The following CHD9 variants were observed in gnomAD, a reference collection of about 807,000 sequenced individuals.
CHD9 encodes ATP-dependent chromatin remodeler CHD9.
Under a neutral mutation model 316.1 loss-of-function variants are expected in CHD9, and 77 were observed. The observed-to-expected ratio is 0.24, with a 90% confidence interval of 0.20 to 0.29. The LOEUF is 0.29. Ranked by LOEUF, CHD9 falls within the 10% of genes least tolerant of loss-of-function variation. CHD9 has a pLI of 1.00. For missense variants in CHD9, 2,763 were observed against 3,438.1 expected, an observed-to-expected ratio of 0.80 and a Z score of 4.91; for synonymous variants, 1,129 against 1,158.3, an observed-to-expected ratio of 0.97 and a Z score of 0.51.
At chr16:53,091,195 G>A (rs938785254) in intron 1 of CHD9, among the ~76,000 whole-genome samples, 1 of 152,236 alleles carries the variant, frequency 6.6e-6, no homozygotes, top group Non-Finnish European at 1.5e-5. Flanking sequence ...AGCCTGGGAA[G>A]GGAAAGGCCT....
intron 30 of CHD9, among the ~76,000 whole-genome samples, chr16:53,303,160 A>G (rs2055604925): frequency 6.6e-6 from 1 of 151,668 alleles, no homozygotes; most frequent in African/African-American, 2.4e-5. Context: ...ACAAATTCGT[A>G]AACTTTCTTA....
At chr16:53,056,438 T>G (rs2032127148) in intron 1 of CHD9, among the ~76,000 whole-genome samples, 1 of 152,234 alleles carries the variant, frequency 6.6e-6, no homozygotes, top group East Asian at 1.9e-4. Context: ...TGACCATAAC[T>G]TCCACGGTAG....
chr16:53,305,805 C>T (rs566480465), intron 31 of CHD9, among the ~76,000 whole-genome samples: 2 of 152,128 alleles, frequency 1.3e-5, no homozygotes, highest in South Asian at 4.2e-4. Context: ...TCGGGGTTGC[C>T]GCAAGAAACA....
Position 53,325,941 on chromosome 16 carries a change from T to C in CHD9, c.*1046T>C, listed in dbSNP as rs1261581881. 4 of 152,582 alleles carry C rather than the reference T, an allele frequency of 2.6e-5. No individual in the cohort carries two copies. The East Asian group carries it at 5.8e-4, about 22-fold the overall frequency. The allele number at this position is 152,582 out of a possible 1,614,324, so 9.5% of individuals were successfully genotyped here. On this transcript the variant is annotated 3_prime_UTR_variant, in exon 39 of 39. Coordinates refer to ENST00000447540, the MANE Select transcript of CHD9 (RefSeq NM_001308319.2). ...AATATGCAGATAGTCTAAATTCATT[T>C]TGAGTTTCTAGGTGTAAGCAGACTA...
chr16:53,077,151 C>T (rs997113511), intron 1 of CHD9, among the ~76,000 whole-genome samples: 1 of 151,904 alleles, frequency 6.6e-6, no homozygotes, highest in Non-Finnish European at 1.5e-5. Flanking sequence ...CCACGCCTAA[C>T]TAATTTTTGT....
At chr16:53,183,020 C>T (rs879832099) in intron 2 of CHD9, among the ~76,000 whole-genome samples, 4 of 152,100 alleles carry the variant, frequency 2.6e-5, no homozygotes, top group African/African-American at 7.2e-5. Flanking sequence ...CAATCAACAA[C>T]GATTCACCTT....
intron 16 of CHD9, chr16:53,247,763 A>G: frequency 3.0e-6 from 1 of 329,908 alleles, no homozygotes; most frequent in Non-Finnish European, 5.5e-6. Flanking sequence ...AATGGGTTTA[A>G]AAATGTACAT....
chr16:53,265,463 A>G (rs12598372), intron 20 of CHD9, among the ~76,000 whole-genome samples: 42,188 of 151,988 alleles, frequency 0.28, 5,949 homozygotes, highest in Middle Eastern at 0.32. Flanking sequence ...TTTAAAAAGT[A>G]TGGTACTGAC....
chr16:53,168,655 C>T (rs1398439845), intron 2 of CHD9: 1 of 152,116 alleles, frequency 6.6e-6, no homozygotes, highest in African/African-American at 2.4e-5. Context: ...GCAAAACTTT[C>T]AGTGGCAAAA....
chr16:53,278,964 A>T (rs1401386937), intron 24 of CHD9, among the ~76,000 whole-genome samples: 4 of 152,226 alleles, frequency 2.6e-5, no homozygotes, highest in Non-Finnish European at 5.9e-5. Context: ...TTCCTCAAGG[A>T]TCTAGAACTA....
chr16:53,074,343 C>A (rs1341176488), intron 1 of CHD9, among the ~76,000 whole-genome samples: 2 of 152,134 alleles, frequency 1.3e-5, no homozygotes, highest in African/African-American at 4.8e-5. Context: ...TGCAGCCTGA[C>A]AATGCAATAG....
rs530608324 is a variant in CHD9, at chr16:53,100,115, C to T, written c.-165+45038C>T. Among the ~76,000 whole-genome samples, 8 of 152,294 alleles carry T rather than the reference C, an allele frequency of 5.3e-5. No individual in the cohort carries two copies. In the East Asian group the frequency reaches 1.4e-3, roughly 26 times the overall value. On this transcript the variant is annotated intron_variant, in intron 1 of 38. Transcript: ENST00000447540. ...CATTGTGGCTGGGTGATACTGCAGC[C>T]CACGGGGAGAGGTGAGGAATTGTGC... is the stretch of plus-strand genomic sequence containing the variant.
chr16:53,170,382 A>T (rs1355948019), intron 2 of CHD9, among the ~76,000 whole-genome samples: 2 of 152,182 alleles, frequency 1.3e-5, no homozygotes, highest in Non-Finnish European at 2.9e-5. Context: ...CTTTTTGAAT[A>T]TTTGGCCAGA....
intron 1 of CHD9, among the ~76,000 whole-genome samples, chr16:53,066,304 A>G (rs1402398080): frequency 1.3e-5 from 2 of 152,202 alleles, no homozygotes; most frequent in Non-Finnish European, 2.9e-5. Flanking sequence ...TCAGCAGAGG[A>G]AATTTAGGCA....
intron 1 of CHD9, among the ~76,000 whole-genome samples, chr16:53,106,565 T>TA (rs1231983619): frequency 1.3e-5 from 2 of 152,048 alleles, no homozygotes; most frequent in Non-Finnish European, 2.9e-5. Context: ...ACATTTCAGA[T>TA]AAAAAACTGA....
intron 4 of CHD9, 45 bp from the exon 5 acceptor site, chr16:53,226,321 C>A: frequency 1.5e-6 from 2 of 1,372,704 alleles, no homozygotes; most frequent in Non-Finnish European, 1.9e-6. Flanking sequence ...AAAAACTTTT[C>A]TTCAAAATAA....
intron 1 of CHD9, chr16:53,121,305 A>C (rs1190303372): frequency 2.2e-6 from 1 of 454,158 alleles, no homozygotes; most frequent in African/African-American, 2.0e-5. Flanking sequence ...TTTAGATGCA[A>C]CTTCTCCAGG....
intron 1 of CHD9, among the ~76,000 whole-genome samples, chr16:53,057,642 G>A (rs2032320923): frequency 6.7e-6 from 1 of 148,398 alleles, no homozygotes; most frequent in Admixed American, 6.8e-5. Flanking sequence ...CAACAACAGC[G>A]AAACTCCATC....
intron 1 of CHD9, among the ~76,000 whole-genome samples, chr16:53,063,693 G>A (rs534111604): frequency 4.9e-4 from 74 of 151,786 alleles, no homozygotes; most frequent in Non-Finnish European, 8.4e-4. Context: ...CACCACGCCC[G>A]GCTAATTTTT....
Sources: allele counts gnomAD v4.1 joint callset (sites outside exome capture counted in the v4.1 genomes callset), GRCh38; gene constraint gnomAD v4.1.1; transcripts MANE v1.5; gene names NCBI Gene and HGNC (gene_info 2026-07-23, HGNC 2026-07-21).